ADK: variants seen among roughly 807,000 people sequenced by gnomAD.
ADK encodes N6,N6-dimethyladenosine kinase.
Under a neutral mutation model 44.7 loss-of-function variants are expected in ADK, and 24 were observed. The observed-to-expected ratio is 0.54, with a 90% confidence interval of 0.39 to 0.76. ADK has a LOEUF of 0.76. ADK is among the 30% of genes least tolerant of loss of function. The pLI is 0.00. For missense variants in ADK, 321 were observed against 425.1 expected (o/e 0.76, Z 2.15); for synonymous variants, 128 against 142.6 (o/e 0.90, Z 0.73).
At chr10:74,547,668 T>G (rs1018485810) in intron 7 of ADK, among the ~76,000 whole-genome samples, 3 of 150,586 alleles carry the variant, frequency 2.0e-5, no homozygotes, top group African/African-American at 7.3e-5. Context: ...TTGTTTTGTT[T>G]TGTTTTGAGA....
At chr10:74,696,299 G>A (rs1856200415) in intron 10 of ADK, among the ~76,000 whole-genome samples, 2 of 151,768 alleles carry the variant, frequency 1.3e-5, no homozygotes, top group Non-Finnish European at 2.9e-5. Flanking sequence ...GGGATTACAG[G>A]TGCAAGCCAT....
chr10:74,422,382 T>G (rs1844589157), intron 6 of ADK, among the ~76,000 whole-genome samples: 1 of 152,204 alleles, frequency 6.6e-6, no homozygotes, highest in African/African-American at 2.4e-5. Flanking sequence ...TCATGACAAC[T>G]AAATGTTACA....
Position 74,645,730 on chromosome 10 carries a change from G to A in ADK, c.878-24453G>A, listed in dbSNP as rs77701501. Among the ~76,000 whole-genome samples the A allele has an allele frequency of 4.5e-3, 678 of 152,306 alleles. 6 individuals are homozygous for A. Among genetic ancestry groups the A allele is most frequent in the African/African-American group, 0.015 (636 of 41,550 alleles). The stretch of plus-strand genomic sequence containing the variant: ...CAGTAAGTGATATCCCCACCTGTGT[G>A]GTTAATTTCAAAATATTGTTTGTCT... On this transcript the variant is annotated intron_variant, in intron 9 of 10. Coordinates refer to ENST00000539909, the MANE Select transcript of ADK (RefSeq NM_006721.4).
intron 3 of ADK, among the ~76,000 whole-genome samples, chr10:74,245,499 T>C (rs1845380907): frequency 6.6e-6 from 1 of 152,114 alleles, no homozygotes; most frequent in East Asian, 1.9e-4. Flanking sequence ...GATGACCCTA[T>C]ATATTTTTTA....
rs146091985 is a variant in ADK, at chr10:74,545,346, G to A, written c.726+19920G>A. Reference sequence around the variant, plus strand: ...TATGGAGTTCAGGTCAGGCTTAGGGGTCCCTGACAATGTGAATAGTTTTAA... The same window carrying A: ...TATGGAGTTCAGGTCAGGCTTAGGGATCCCTGACAATGTGAATAGTTTTAA... On this transcript the variant is annotated intron_variant, in intron 7 of 10. Coordinates refer to ENST00000539909, the MANE Select transcript of ADK (RefSeq NM_006721.4). Among the ~76,000 whole-genome samples, 5 of 152,228 alleles carry A rather than the reference G, an allele frequency of 3.3e-5. No homozygotes were observed. The East Asian group carries it at 5.8e-4, about 18-fold the overall frequency.
chr10:74,270,735 G>A (rs1846398913), intron 3 of ADK, among the ~76,000 whole-genome samples: 1 of 152,206 alleles, frequency 6.6e-6, no homozygotes, highest in Non-Finnish European at 1.5e-5. Context: ...AATATTAGAT[G>A]TCTATTGATC....
At chr10:74,511,353 A>G (rs1314536032) in intron 6 of ADK, among the ~76,000 whole-genome samples, 3 of 152,024 alleles carry the variant, frequency 2.0e-5, no homozygotes, top group Admixed American at 6.6e-5. Flanking sequence ...AGGGTTTTCT[A>G]TGTTTCCATA....
At chr10:74,597,498 C>T (rs1851963998) in intron 8 of ADK, among the ~76,000 whole-genome samples, 1 of 152,100 alleles carries the variant, frequency 6.6e-6, no homozygotes, top group Admixed American at 6.5e-5. Flanking sequence ...GTCATGTCTC[C>T]TTAGTCTCTT....
intron 4 of ADK, among the ~76,000 whole-genome samples, chr10:74,391,606 C>T (rs1428913588): frequency 6.7e-6 from 1 of 148,420 alleles, no homozygotes; most frequent in Non-Finnish European, 1.5e-5. Flanking sequence ...ACTCAGAAGA[C>T]TGAGCTGGGA....
chr10:74,386,274 T>C (rs1843137708), intron 4 of ADK, among the ~76,000 whole-genome samples: 1 of 152,218 alleles, frequency 6.6e-6, no homozygotes, highest in Non-Finnish European at 1.5e-5. Flanking sequence ...TAAAATTTCA[T>C]ATCTTTGGCT....
chr10:74,204,832 T>G (rs1471519517), intron 2 of ADK, among the ~76,000 whole-genome samples: 4 of 151,860 alleles, frequency 2.6e-5, no homozygotes, highest in African/African-American at 9.7e-5. Context: ...TCACTTGAGG[T>G]CAGGAGTTCA....
intron 3 of ADK, among the ~76,000 whole-genome samples, chr10:74,301,861 C>T (rs11000974): frequency 3.3e-5 from 5 of 151,714 alleles, no homozygotes; most frequent in East Asian, 1.9e-4. Flanking sequence ...TCTTGCATTT[C>T]GAAAATACTA....
intron 3 of ADK, among the ~76,000 whole-genome samples, chr10:74,256,748 G>T (rs1486459515): frequency 6.6e-6 from 1 of 152,092 alleles, no homozygotes; most frequent in Non-Finnish European, 1.5e-5. Context: ...GCAAGAAAAT[G>T]ACCTTATTGT....
chr10:74,611,191 T>A (rs11001083), intron 9 of ADK, among the ~76,000 whole-genome samples: 24,728 of 150,506 alleles, frequency 0.16, 2,340 homozygotes, highest in African/African-American at 0.26. Context: ...GCCCAGCTAA[T>A]TTTTTTGTAT....
chr10:74,660,319 A>G (rs1160864651), intron 9 of ADK, among the ~76,000 whole-genome samples: 1 of 152,038 alleles, frequency 6.6e-6, no homozygotes, highest in East Asian at 1.9e-4. Context: ...TTTTGTAGAG[A>G]TGGAGTTTCG....
intron 9 of ADK, among the ~76,000 whole-genome samples, chr10:74,624,326 C>G (rs1055735032): frequency 6.6e-6 from 1 of 150,956 alleles, no homozygotes; most frequent in Non-Finnish European, 1.5e-5. Flanking sequence ...TTTAGCTTTT[C>G]TCTGCTGTTG....
At chr10:74,688,625 C>A (rs942702453) in intron 10 of ADK, among the ~76,000 whole-genome samples, 10 of 152,062 alleles carry the variant, frequency 6.6e-5, no homozygotes, top group Admixed American at 6.5e-5. Context: ...TAAGAGTAAC[C>A]CACGCTAGGC....
At chr10:74,653,429 G>A (rs999109055) in intron 9 of ADK, among the ~76,000 whole-genome samples, 27 of 152,138 alleles carry the variant, frequency 1.8e-4, no homozygotes, top group African/African-American at 6.3e-4. Flanking sequence ...TCCAGCCTGG[G>A]TGACAGAGCA....
chr10:74,274,209 T>A (rs1846563812), intron 3 of ADK, among the ~76,000 whole-genome samples: 1 of 152,120 alleles, frequency 6.6e-6, no homozygotes, highest in African/African-American at 2.4e-5. Context: ...AAACACATAT[T>A]TTGTATATGT....
Sources: gnomAD v4.1 joint callset for allele counts (sites outside exome capture counted in the v4.1 genomes callset) on GRCh38, gnomAD v4.1.1 for gene constraint, MANE v1.5 for transcripts, NCBI Gene and HGNC (gene_info 2026-07-23, HGNC 2026-07-21) for gene names.